The following TRPC5 variants were observed in gnomAD, a reference collection of about 807,000 sequenced individuals.
TRPC5 encodes the protein short transient receptor potential channel 5.
In TRPC5, 9 loss-of-function variants were observed where a neutral mutation model predicts 56.5. The ratio of observed to expected loss-of-function variants is 0.16; its 90% CI spans 0.10 to 0.28. The LOEUF is 0.28. Among genes scored for constraint, TRPC5 ranks in the 10% least tolerant of loss-of-function variants. TRPC5 has a pLI of 1.00. For missense variants in TRPC5, 469 were observed against 748.9 expected (o/e 0.63, Z 4.36); for synonymous variants, 282 against 278.5 (o/e 1.01, Z -0.13).
At chrX:111,812,158 T>G (rs1260908853) in intron 7 of TRPC5, among the ~76,000 whole-genome samples, 2 of 110,585 alleles carry the variant, frequency 1.8e-5, no homozygotes, top group African/African-American at 6.6e-5. Context: ...TTTTTGTTTG[T>G]AGGTATTTTA....
intron 2 of TRPC5, among the ~76,000 whole-genome samples, chrX:111,926,250 T>C (rs1346376509): frequency 9.0e-6 from 1 of 111,588 alleles, no homozygotes; most frequent in Non-Finnish European, 1.9e-5. Context: ...TGGTTCTCAA[T>C]GTCTGGAAGG....
chrX:111,790,479 A>G (rs1946010691), intron 7 of TRPC5, among the ~76,000 whole-genome samples: 1 of 111,464 alleles, frequency 9.0e-6, no homozygotes, highest in African/African-American at 3.3e-5. Context: ...TGATGAGTGC[A>G]GCAAACCAAC....
At chrX:111,788,580 A>G (rs1202473523) in intron 7 of TRPC5, among the ~76,000 whole-genome samples, 1 of 111,732 alleles carries the variant, frequency 8.9e-6, no homozygotes, top group Non-Finnish European at 1.9e-5. Context: ...CAGGCAAGAG[A>G]AAGAAATAAA....
intron 1 of TRPC5, among the ~76,000 whole-genome samples, chrX:111,963,265 G>A (rs1927445127): frequency 1.8e-5 from 2 of 112,534 alleles, no homozygotes; most frequent in African/African-American, 6.4e-5. Flanking sequence ...AGGTGGCAGT[G>A]AGGCTGGGGG....
At chrX:111,939,845 T>G (rs1371256567) in intron 2 of TRPC5, among the ~76,000 whole-genome samples, 2 of 111,942 alleles carry the variant, frequency 1.8e-5, no homozygotes, top group Non-Finnish European at 3.8e-5. Context: ...AAACCAACTT[T>G]TCATTTCATT....
In TRPC5 at chrX:112,045,422, T is replaced by C. The variant is rs1447428213; in HGVS notation, c.-22+36457A>G. On this transcript the variant is annotated intron_variant, in intron 1 of 10. Coordinates refer to ENST00000262839, the MANE Select transcript of TRPC5 (RefSeq NM_012471.3). ...GGTAGTGTGGCCTTGCTGACAGTGA[T>C]TTTGGCCCAGTGGTACTGACTTTGA... Among the ~76,000 whole-genome samples the C allele has an allele frequency of 9.8e-5, 11 of 111,803 alleles. No individual in the cohort carries two copies. The Admixed American group carries it at 1.0e-3, about 11-fold the overall frequency.
chrX:111,849,908 G>A lies in TRPC5; in HGVS notation c.1377+2390C>T, dbSNP rs753807018. Among the ~76,000 whole-genome samples the A allele has an allele frequency of 7.2e-5, 8 of 111,866 alleles. No individual in the cohort carries two copies. In the South Asian group the frequency reaches 2.7e-3, roughly 37 times the overall value. On this transcript the variant is annotated intron_variant, in intron 5 of 10. Transcript: ENST00000262839. The stretch of plus-strand genomic sequence containing the variant: ...GACTCTTGAGTTAGTTGTTGTTGGA[G>A]GCAAATGATTTTTCTTACATCCTTT...
At chrX:112,046,825 G>A (rs1930038534) in intron 1 of TRPC5, among the ~76,000 whole-genome samples, 1 of 111,632 alleles carries the variant, frequency 9.0e-6, no homozygotes, top group Non-Finnish European at 1.9e-5. Context: ...GGAGCAGTTT[G>A]TAGAGGAGAC....
intron 3 of TRPC5, among the ~76,000 whole-genome samples, chrX:111,890,796 T>G (rs867631093): frequency 1.8e-5 from 2 of 111,794 alleles, no homozygotes. Context: ...TGGGTTTGTT[T>G]TACAGATTAT....
At chrX:112,057,295 A>T (rs1253679893) in intron 1 of TRPC5, among the ~76,000 whole-genome samples, 1 of 107,473 alleles carries the variant, frequency 9.3e-6, no homozygotes, top group Admixed American at 9.8e-5. Flanking sequence ...TTTGTAACCA[A>T]TCAACTAGCT....
intron 3 of TRPC5, among the ~76,000 whole-genome samples, chrX:111,893,145 C>T (rs1924889997): frequency 1.9e-5 from 2 of 106,703 alleles, no homozygotes; most frequent in South Asian, 4.3e-4. Context: ...TTATATCTCT[C>T]CCAAAAAGCA....
At chrX:111,986,058 A>G (rs1385711143) in intron 1 of TRPC5, among the ~76,000 whole-genome samples, 1 of 111,909 alleles carries the variant, frequency 8.9e-6, no homozygotes, top group Non-Finnish European at 1.9e-5. Context: ...TTTCAAGGAT[A>G]AATGAGAAGA....
chrX:111,909,901 C>T (rs1925761877), intron 3 of TRPC5, among the ~76,000 whole-genome samples: 1 of 111,489 alleles, frequency 9.0e-6, no homozygotes, highest in Admixed American at 9.6e-5. Context: ...ACAAGCAGAT[C>T]CCCATGAGAG....
rs1422846828 is a variant in TRPC5, at chrX:111,772,544, A to G, written c.*3769T>C. On this transcript the variant is annotated 3_prime_UTR_variant, in exon 11 of 11. Transcript: ENST00000262839. ...TGCCTCCCAGGTTCAAGTGATTCTC[A>G]TGCCTCAGCCTCTCAAGTAGTTGGA... is the stretch of plus-strand genomic sequence containing the variant. Among the ~76,000 whole-genome samples, 1 of 111,305 alleles carries G rather than the reference A, an allele frequency of 9.0e-6. No individual in the cohort carries two copies. Among genetic ancestry groups the G allele is most frequent in the Non-Finnish European group, 1.9e-5 (1 of 53,075 alleles).
chrX:112,048,284 C>G (rs905849143), intron 1 of TRPC5, among the ~76,000 whole-genome samples: 2 of 108,947 alleles, frequency 1.8e-5, no homozygotes, highest in African/African-American at 6.7e-5. Context: ...GCCTGTAGTT[C>G]TAGCTACTTG....
At chrX:112,039,069 T>C (rs1164878828) in intron 1 of TRPC5, among the ~76,000 whole-genome samples, 1 of 110,374 alleles carries the variant, frequency 9.1e-6, no homozygotes, top group African/African-American at 3.3e-5. Flanking sequence ...GCTTACCTCC[T>C]GGTTCTTAGT....
At chrX:111,982,664 G>A (rs1015790356) in intron 1 of TRPC5, among the ~76,000 whole-genome samples, 23 of 111,477 alleles carry the variant, frequency 2.1e-4, no homozygotes, top group Non-Finnish European at 3.4e-4. Flanking sequence ...TGCTTGAGGG[G>A]ACCAAAGTGG....
intron 3 of TRPC5, among the ~76,000 whole-genome samples, chrX:111,887,446 A>C (rs936333185): frequency 3.6e-5 from 4 of 112,162 alleles, no homozygotes; most frequent in Non-Finnish European, 7.5e-5. Flanking sequence ...CAAGCAGGGC[A>C]TGTCCCCTTC....
intron 7 of TRPC5, among the ~76,000 whole-genome samples, chrX:111,818,650 C>T (rs949166504): frequency 3.0e-5 from 3 of 101,083 alleles, no homozygotes; most frequent in African/African-American, 1.1e-4. Context: ...TGTCACCAGG[C>T]TGGAGTACAG....
Sources: gnomAD v4.1 joint callset for allele counts (sites outside exome capture counted in the v4.1 genomes callset) on GRCh38, gnomAD v4.1.1 for gene constraint, MANE v1.5 for transcripts, NCBI Gene and HGNC (gene_info 2026-07-23, HGNC 2026-07-21) for gene names.